Variants in RPTOR observed in about 807,000 individuals in gnomAD.
RPTOR encodes the protein regulatory-associated protein of mTOR.
A neutral mutation model predicts 169.9 loss-of-function variants in RPTOR; 21 were observed. The ratio of observed to expected loss-of-function variants is 0.12; its 90% CI spans 0.09 to 0.18. The LOEUF is 0.18. Ranked by LOEUF, RPTOR falls within the 10% of genes least tolerant of loss-of-function variation. RPTOR has a pLI of 1.00. For missense variants in RPTOR, 1,133 were observed against 1,855.9 expected (o/e 0.61, Z 7.16); for synonymous variants, 732 against 753.2 (o/e 0.97, Z 0.46).
rs377397253 is a variant in RPTOR at position 80,878,956 on chromosome 17, G to A, written c.1510-1459G>A. Among the ~76,000 whole-genome samples, 13 of 152,016 alleles carry A rather than the reference G, an allele frequency of 8.6e-5. No homozygotes were observed. Among genetic ancestry groups the A allele is most frequent in the East Asian group, 1.9e-4 (1 of 5,174 alleles). On this transcript the variant is annotated intron_variant, in intron 13 of 33. Transcript: ENST00000306801. This position sits in a 1 kb window ranked among gnomAD's most constrained non-coding sequence, Gnocchi z 4.1. ...CGGAAGCCCCTTCCTCTAGGGGCCC[G>A]TCCCTCCTCCTTCCCCAGGCCCCGT...
chr17:80,733,449 G>A (rs889678921), intron 5 of RPTOR, among the ~76,000 whole-genome samples: 19 of 152,150 alleles, frequency 1.2e-4, no homozygotes, highest in African/African-American at 4.3e-4. Context: ...CTGGCCCCAC[G>A]CTTTCTCTGC....
chr17:80,802,936 G>C (rs549811169), intron 7 of RPTOR: 2 of 152,380 alleles, frequency 1.3e-5, no homozygotes, highest in African/African-American at 4.8e-5. Context: ...AGTTCAGCAG[G>C]TGCACCTCCC....
At chr17:80,948,307 G>A (rs149095681) in intron 27 of RPTOR, among the ~76,000 whole-genome samples, 2,892 of 152,346 alleles carry the variant, frequency 0.019, 51 homozygotes, top group Admixed American at 0.036. Flanking sequence ...ACGTGTCCTC[G>A]TGCAGCCCCT....
At chr17:80,832,439 A>T (rs1037534847) in intron 9 of RPTOR, among the ~76,000 whole-genome samples, 3 of 152,178 alleles carry the variant, frequency 2.0e-5, no homozygotes, top group Non-Finnish European at 4.4e-5. Context: ...GTCCTGTGGC[A>T]GTGTCTGGTC....
intron 14 of RPTOR, 106 bp from the exon 15 acceptor site, chr17:80,883,313 A>G: frequency 2.1e-6 from 2 of 971,356 alleles, no homozygotes; most frequent in Admixed American, 3.6e-5. Context: ...TACTTTAATT[A>G]TGCGCCACGC....
At chr17:80,854,010 A>G (rs997235394) in intron 11 of RPTOR, among the ~76,000 whole-genome samples, 3 of 152,068 alleles carry the variant, frequency 2.0e-5, no homozygotes, top group African/African-American at 7.2e-5. Context: ...GAACTTTAAT[A>G]TAACAGAAAA....
At chr17:80,911,042 A>T (rs891113667) in intron 21 of RPTOR, among the ~76,000 whole-genome samples, 1 of 152,102 alleles carries the variant, frequency 6.6e-6, no homozygotes, top group Non-Finnish European at 1.5e-5. Flanking sequence ...CGTGTTGGCC[A>T]GGATGGTCTC....
intron 24 of RPTOR, among the ~76,000 whole-genome samples, chr17:80,939,550 C>G (rs2068997521): frequency 6.6e-6 from 1 of 152,192 alleles, no homozygotes; most frequent in African/African-American, 2.4e-5. Context: ...TTAGTTTAAC[C>G]CCAGCCAGGC....
chr17:80,608,682 G>A (rs188486580), intron 1 of RPTOR, among the ~76,000 whole-genome samples: 82 of 152,252 alleles, frequency 5.4e-4, no homozygotes, highest in Admixed American at 2.9e-3. Flanking sequence ...GGCCACTGCC[G>A]CCTGCTGAGT....
At chr17:80,740,061 G>A (rs1477004268) in intron 5 of RPTOR, among the ~76,000 whole-genome samples, 1 of 152,066 alleles carries the variant, frequency 6.6e-6, no homozygotes, top group Non-Finnish European at 1.5e-5. Flanking sequence ...AAAATCAAGA[G>A]GGAGATGGAA....
chr17:80,738,623 A>G (rs6565479), intron 5 of RPTOR, among the ~76,000 whole-genome samples: 83,933 of 152,020 alleles, frequency 0.55, 23,422 homozygotes, highest in African/African-American at 0.59. Context: ...TTGGCTGACC[A>G]CATACGGCAA....
At chr17:80,715,198 G>T (rs542814033) in intron 4 of RPTOR, among the ~76,000 whole-genome samples, 3 of 152,148 alleles carry the variant, frequency 2.0e-5, no homozygotes, top group Non-Finnish European at 2.9e-5. Flanking sequence ...GAATCTCTAC[G>T]TAGGTAGATC....
At chr17:80,818,691 G>A (rs1042632052) in intron 7 of RPTOR, among the ~76,000 whole-genome samples, 7 of 152,156 alleles carry the variant, frequency 4.6e-5, no homozygotes, top group Non-Finnish European at 7.3e-5. Context: ...GTCTGAAGTC[G>A]GCTGGGCAGA....
intron 20 of RPTOR, among the ~76,000 whole-genome samples, 156 bp downstream of exon 20, chr17:80,894,021 AC>A (rs1384221822): frequency 2.0e-5 from 3 of 152,172 alleles, no homozygotes; most frequent in African/African-American, 7.2e-5. Context: ...GGCAGGGAGA[AC>A]GTTTTGCTGG....
chr17:80,597,978 A>G (rs2065156423), intron 1 of RPTOR, among the ~76,000 whole-genome samples: 1 of 152,120 alleles, frequency 6.6e-6, no homozygotes, highest in Non-Finnish European at 1.5e-5. Context: ...CATCTCTACA[A>G]AAAAATTAAA....
chr17:80,759,608 G>C (rs1482743880), intron 6 of RPTOR, among the ~76,000 whole-genome samples: 1 of 151,880 alleles, frequency 6.6e-6, no homozygotes, highest in African/African-American at 2.4e-5. Flanking sequence ...GAGTGGTAAT[G>C]GACTATATTC....
At chr17:80,692,278 C>CGTTATGTTATGTTATGTTATGTTAT (rs71367010) in intron 3 of RPTOR, among the ~76,000 whole-genome samples, 6 of 145,378 alleles carry the variant, frequency 4.1e-5, no homozygotes, top group Non-Finnish European at 3.0e-5. Flanking sequence ...TGTCTGGCTA[C>CGTTATGTTATGTTATGTTATGTTAT]GTTATGTTAT....
intron 24 of RPTOR, among the ~76,000 whole-genome samples, chr17:80,928,749 C>T (rs1030219085): frequency 2.3e-4 from 35 of 152,204 alleles, no homozygotes; most frequent in Non-Finnish European, 2.4e-4. Flanking sequence ...AAATGGTCTG[C>T]CGTGTGCTTA....
At chr17:80,819,643 T>C (rs1830855995) in intron 7 of RPTOR, among the ~76,000 whole-genome samples, 1 of 152,216 alleles carries the variant, frequency 6.6e-6, no homozygotes. Context: ...TTTCCGACTT[T>C]TACATGTGGT....
Sources: gnomAD v4.1 joint callset for allele counts (sites outside exome capture counted in the v4.1 genomes callset) on GRCh38, gnomAD v4.1.1 for gene constraint, Gnocchi (gnomAD v3.1) non-coding constraint, MANE v1.5 for transcripts, NCBI Gene and HGNC (gene_info 2026-07-23, HGNC 2026-07-21) for gene names.